Variants in NPRL3 observed in about 807,000 individuals in gnomAD.
NPRL3 encodes the protein NPR3 like, GATOR1 complex subunit, also known as GATOR1 complex protein NPRL3.
In NPRL3, 23 loss-of-function variants were observed where a neutral mutation model predicts 57.2. The observed-to-expected ratio is 0.40, with a 90% CI of 0.29 to 0.57. NPRL3 has a LOEUF of 0.57. Among genes scored for constraint, NPRL3 ranks in the 20% least tolerant of loss-of-function variants. NPRL3 has a pLI of 0.42. For missense variants in NPRL3, 691 were observed against 767.1 expected (o/e 0.90, Z 1.17); for synonymous variants, 333 against 321.1 (o/e 1.04, Z -0.39).
chr16:99,865 G>T (rs1032208670), intron 8 of NPRL3, among the ~76,000 whole-genome samples: 21 of 150,076 alleles, frequency 1.4e-4, no homozygotes, highest in African/African-American at 5.1e-4. Flanking sequence ...CTTGGGAGGT[G>T]GACGTAGTGG....
chr16:100,875 G>T lies in NPRL3; in HGVS notation c.630-366C>A, dbSNP rs151204441. Among the ~76,000 whole-genome samples, 919 of 140,258 alleles carry T rather than the reference G, an allele frequency of 6.6e-3. 33 individuals carry two copies. The highest frequency in any genetic ancestry group is 0.052 in the Admixed American group (672 of 12,882). 92.0% of individuals were successfully genotyped at this position (140,258 alleles called of 152,430 possible). The stretch of plus-strand genomic sequence containing the variant: ...AGTCCCAGCTACTCGGGAGGCTGAG[G>T]CAGGAGAATCACTTGAACCCAGGAG... On this transcript the variant is annotated intron_variant, in intron 7 of 13. Coordinates refer to ENST00000611875, the MANE Select transcript of NPRL3 (RefSeq NM_001077350.3).
At chr16:105,569 A>G (rs1899490422) in intron 7 of NPRL3, among the ~76,000 whole-genome samples, 1 of 152,180 alleles carries the variant, frequency 6.6e-6, no homozygotes. Flanking sequence ...TTTGCAGTGC[A>G]AGGCTCCGCA....
intron 7 of NPRL3, among the ~76,000 whole-genome samples, chr16:103,659 G>A (rs73478308): frequency 0.014 from 2,170 of 152,228 alleles, 36 homozygotes; most frequent in African/African-American, 0.031. Context: ...TCTGCACGCT[G>A]GGGGCTTCAC....
intron 9 of NPRL3, 64 bp downstream of exon 9, chr16:98,081 G>C: frequency 6.4e-7 from 1 of 1,565,828 alleles, no homozygotes; most frequent in Non-Finnish European, 8.7e-7. Context: ...TGTGGCAGGC[G>C]GCCTGCCTTT....
At chr16:136,392 A>G (rs930093695) in intron 2 of NPRL3, among the ~76,000 whole-genome samples, 6 of 152,258 alleles carry the variant, frequency 3.9e-5, no homozygotes, top group African/African-American at 1.2e-4. Flanking sequence ...GTGCTTAGAA[A>G]AAAAACACAA....
chr16:95,386 A>C (rs1023283067), intron 9 of NPRL3, among the ~76,000 whole-genome samples: 14 of 122,190 alleles, frequency 1.1e-4, no homozygotes, highest in African/African-American at 4.3e-4. Context: ...CACACACACA[A>C]TAAAATGTAT....
intron 7 of NPRL3, among the ~76,000 whole-genome samples, chr16:102,368 C>CA (rs1029512322): frequency 2.4e-4 from 37 of 152,354 alleles, no homozygotes; most frequent in African/African-American, 8.2e-4. Flanking sequence ...CTCCAGGCAA[C>CA]AGGGGGGATC....
chr16:101,392 G>A (rs1158794295), intron 7 of NPRL3, among the ~76,000 whole-genome samples: 4 of 152,184 alleles, frequency 2.6e-5, no homozygotes, highest in Non-Finnish European at 5.9e-5. Flanking sequence ...GATACCAAGT[G>A]GTCACCACAA....
chr16:124,387 G>A (rs1900423795), intron 3 of NPRL3, among the ~76,000 whole-genome samples: 1 of 150,436 alleles, frequency 6.6e-6, no homozygotes, highest in South Asian at 2.1e-4. Flanking sequence ...CTTCAAAAGA[G>A]ACAGGGTCTC....
At chr16:127,883 CTGACCTCA>C (rs1900610421) in intron 3 of NPRL3, among the ~76,000 whole-genome samples, 3 of 151,822 alleles carry the variant, frequency 2.0e-5, no homozygotes, top group Admixed American at 2.0e-4. Context: ...TCTCGATCTC[CTGACCTCA>C]TGATCCGCCC....
In NPRL3 at chr16:85,672, C is replaced by T. The variant is rs753134511; in HGVS notation, c.*1033G>A. 5.6e-5 allele frequency: 88 copies of T among 1,577,780 alleles called. No individual in the cohort carries two copies. The highest frequency in any genetic ancestry group is 1.7e-4 in the Middle Eastern group (1 of 5,932). On this transcript the variant is annotated 3_prime_UTR_variant, in exon 14 of 14. Transcript: ENST00000611875. ...TAGTGGCAGCAGCCCGGGTGGGCGT[C>T]GGCCATGCAGGGGAGTGGGCCCGGA...
Position 109,263 on chromosome 16 carries a change from G to A in NPRL3, c.629+1262C>T, listed in dbSNP as rs755761408. On this transcript the variant is annotated intron_variant, in intron 7 of 13. Transcript: ENST00000611875. ...ATTACAGGCGTGAGTCACCACGCCC[G>A]GCCTGCTTGTCCACATTTAATAAAG... is the stretch of plus-strand genomic sequence containing the variant. Among the ~76,000 whole-genome samples, 8 of 152,234 alleles carry A rather than the reference G, an allele frequency of 5.3e-5. No homozygotes were observed. In the East Asian group the frequency reaches 5.8e-4, roughly 11 times the overall value.
chr16:87,868 C>G (rs1319256871), intron 13 of NPRL3, among the ~76,000 whole-genome samples: 2 of 137,546 alleles, frequency 1.5e-5, no homozygotes, highest in Non-Finnish European at 3.1e-5. Flanking sequence ...CCGCGCCTGA[C>G]TTTTTTTTTT....
intron 7 of NPRL3, among the ~76,000 whole-genome samples, chr16:107,175 CA>C (rs1170464341): frequency 1.3e-5 from 2 of 152,152 alleles, no homozygotes; most frequent in Admixed American, 6.5e-5. Context: ...CCTTTTTCAG[CA>C]AAACTCAGAT....
chr16:100,788 C>T lies in NPRL3; in HGVS notation c.630-279G>A, dbSNP rs2914515. On this transcript the variant is annotated intron_variant, in intron 7 of 13. Coordinates refer to ENST00000611875, the MANE Select transcript of NPRL3 (RefSeq NM_001077350.3). ...TTCGAGACCAGCCTGGCTAATAACA[C>T]GGTGAAACCCCGTCTCTACTAAAAA... 0.87 allele frequency among the ~76,000 whole-genome samples: 126,415 copies of T among 145,566 alleles called. 55,000 individuals carry two copies. Among genetic ancestry groups the T allele is most frequent in the South Asian group, 0.9 (4,021 of 4,468 alleles).
At chr16:119,476 C>A in intron 3 of NPRL3, 1 of 573,768 alleles carries the variant, frequency 1.7e-6, no homozygotes, top group South Asian at 2.1e-5. Flanking sequence ...ATGAGAAGCA[C>A]AGACTGAAGG....
At chr16:115,501 T>TC (rs33953768) in intron 5 of NPRL3, among the ~76,000 whole-genome samples, 1 of 137,508 alleles carries the variant, frequency 7.3e-6, no homozygotes, top group Non-Finnish European at 1.7e-5. Flanking sequence ...TTTTTTTTTT[T>TC]TGAGCTGGAG....
chr16:125,246 G>A (rs1007627068), intron 3 of NPRL3, among the ~76,000 whole-genome samples: 1 of 152,160 alleles, frequency 6.6e-6, no homozygotes, highest in Non-Finnish European at 1.5e-5. Flanking sequence ...CTCAGCAGCT[G>A]CCAAGCTCCT....
chr16:97,323 C>A (rs1346730209), intron 9 of NPRL3, among the ~76,000 whole-genome samples: 1 of 151,648 alleles, frequency 6.6e-6, no homozygotes, highest in Non-Finnish European at 1.5e-5. Context: ...CAGCTAACTG[C>A]AACCTCTGCC....
Sources: gnomAD v4.1 joint callset for allele counts (sites outside exome capture counted in the v4.1 genomes callset) on GRCh38, gnomAD v4.1.1 for gene constraint, MANE v1.5 for transcripts, NCBI Gene and HGNC (gene_info 2026-07-23, HGNC 2026-07-21) for gene names.